KIAA0825: variants seen among roughly 807,000 people sequenced by gnomAD.
KIAA0825 encodes the protein KIAA0825.
In KIAA0825, 119 loss-of-function variants were observed where a neutral mutation model predicts 147.6. The observed-to-expected ratio is 0.81, with a 90% CI of 0.69 to 0.94. The LOEUF (loss-of-function observed/expected upper bound fraction) is 0.94. KIAA0825 is among the 40% of genes least tolerant of loss of function. KIAA0825 has a pLI of 0.00. For missense variants in KIAA0825, 1,381 were observed against 1,472.7 expected (o/e 0.94, Z 1.02); for synonymous variants, 470 against 518.1 (o/e 0.91, Z 1.26).
At chr5:94,563,236 T>C (rs528205323) in intron 2 of KIAA0825, among the ~76,000 whole-genome samples, 60 of 151,486 alleles carry the variant, frequency 4.0e-4, no homozygotes, top group African/African-American at 1.4e-3. Flanking sequence ...TGGGCGCCTG[T>C]AGTCCCAGCT....
chr5:94,598,394 C>A (rs1785695458), intron 1 of KIAA0825, among the ~76,000 whole-genome samples: 1 of 152,032 alleles, frequency 6.6e-6, no homozygotes. Flanking sequence ...TGGGCAATAA[C>A]AAGCATAGGG....
intron 2 of KIAA0825, among the ~76,000 whole-genome samples, chr5:94,555,479 T>G (rs1363810780): frequency 6.6e-6 from 1 of 152,198 alleles, no homozygotes; most frequent in Non-Finnish European, 1.5e-5. Context: ...ATTAATATAC[T>G]ATGACTATTA....
intron 2 of KIAA0825, among the ~76,000 whole-genome samples, chr5:94,578,895 G>A (rs1005432418): frequency 1.3e-5 from 2 of 152,104 alleles, no homozygotes; most frequent in Admixed American, 1.3e-4. Flanking sequence ...AAGGTTCAGA[G>A]TTCAAACTCT....
At chr5:94,545,266 G>A (rs1454426523) in intron 2 of KIAA0825, among the ~76,000 whole-genome samples, 1 of 152,150 alleles carries the variant, frequency 6.6e-6, no homozygotes, top group Non-Finnish European at 1.5e-5. Flanking sequence ...TCATAAACTT[G>A]AAAGGGAGTC....
At chr5:94,321,743 CAGTT>C (rs1780219058) in intron 20 of KIAA0825, among the ~76,000 whole-genome samples, 1 of 151,884 alleles carries the variant, frequency 6.6e-6, no homozygotes, top group Non-Finnish European at 1.5e-5. Context: ...TCATGGTAAA[CAGTT>C]TATTAACACA....
At chr5:94,192,649 C>A (rs1770777782) in intron 20 of KIAA0825, among the ~76,000 whole-genome samples, 1 of 152,068 alleles carries the variant, frequency 6.6e-6, no homozygotes, top group East Asian at 1.9e-4. Flanking sequence ...GCGCCAGTGG[C>A]AGAATGTTTG....
At chr5:94,495,848 CACAATAGAAA>C (rs1296177794) in intron 5 of KIAA0825, among the ~76,000 whole-genome samples, 1 of 152,174 alleles carries the variant, frequency 6.6e-6, no homozygotes, top group Non-Finnish European at 1.5e-5. Context: ...AATTGAAAAA[CACAATAGAAA>C]ATACATGTGA....
chr5:94,163,202 C>T (rs765869369), intron 20 of KIAA0825, among the ~76,000 whole-genome samples: 6 of 152,110 alleles, frequency 3.9e-5, no homozygotes, highest in Admixed American at 6.5e-5. Context: ...TGGTACCTGA[C>T]TAGTATTTTT....
chr5:94,172,207 T>C (rs1768686568), intron 20 of KIAA0825, among the ~76,000 whole-genome samples: 2 of 152,202 alleles, frequency 1.3e-5, no homozygotes, highest in Admixed American at 1.3e-4. Context: ...AGAGTACAGT[T>C]TGTCACTGGT....
At chr5:94,227,470 C>T (rs1349293570) in intron 20 of KIAA0825, among the ~76,000 whole-genome samples, 1 of 151,810 alleles carries the variant, frequency 6.6e-6, no homozygotes, top group East Asian at 1.9e-4. Flanking sequence ...ATGGGTGCAG[C>T]ACACCAGCAT....
intron 12 of KIAA0825, among the ~76,000 whole-genome samples, chr5:94,454,503 A>G (rs1758837755): frequency 6.6e-6 from 1 of 152,074 alleles, no homozygotes; most frequent in South Asian, 2.1e-4. Context: ...TTTTTTTCTC[A>G]CTAAATCTCA....
rs553594009 is a variant in KIAA0825 at position 94,172,689 on chromosome 5, A to AT, written c.3711-18566dup. On this transcript the variant is annotated intron_variant, in intron 20 of 20. Coordinates refer to ENST00000682413, the MANE Select transcript of KIAA0825 (RefSeq NM_001145678.3). ...TTTCTAGAATTTTGTTTGACTCATG[A>AT]TTTTTTTTTTGGCTTTGAACTAACA... Among the ~76,000 whole-genome samples the AT allele has an allele frequency of 4.6e-4, 68 of 149,430 alleles. 1 individual carries two copies. In the East Asian group the frequency reaches 4.9e-3, roughly 11 times the overall value.
chr5:94,210,389 T>A (rs984432526), intron 20 of KIAA0825, among the ~76,000 whole-genome samples: 1 of 152,196 alleles, frequency 6.6e-6, no homozygotes, highest in Non-Finnish European at 1.5e-5. Flanking sequence ...TGCATACCTT[T>A]AAGCTGATAA....
chr5:94,608,441 A>ATGTGTGTGTATATGTGTGTGTGTG (rs1449664800), intron 1 of KIAA0825, among the ~76,000 whole-genome samples: 1,101 of 37,772 alleles, frequency 0.029, 297 homozygotes, highest in Middle Eastern at 0.045. Flanking sequence ...TTGTGTGTGT[A>ATGTGTGTGTATATGTGTGTGTGTG]TGTGTGTGTG....
At chr5:94,394,780 T>C (rs938457378) in intron 17 of KIAA0825, among the ~76,000 whole-genome samples, 15 of 152,122 alleles carry the variant, frequency 9.9e-5, no homozygotes, top group African/African-American at 3.6e-4. Context: ...GCCTGTAAAT[T>C]AGTGTTGAAT....
intron 5 of KIAA0825, among the ~76,000 whole-genome samples, chr5:94,504,143 T>A (rs1056994287): frequency 6.6e-6 from 1 of 152,210 alleles, no homozygotes; most frequent in Non-Finnish European, 1.5e-5. Context: ...CAAGATCGCA[T>A]TTCTCCATGT....
intron 12 of KIAA0825, among the ~76,000 whole-genome samples, chr5:94,457,741 G>T (rs1220901197): frequency 6.6e-6 from 1 of 152,198 alleles, no homozygotes; most frequent in Non-Finnish European, 1.5e-5. Flanking sequence ...AACAACTGAT[G>T]AGCTAAAAAG....
chr5:94,224,717 A>G (rs1774004696), intron 20 of KIAA0825, among the ~76,000 whole-genome samples: 2 of 152,242 alleles, frequency 1.3e-5, no homozygotes, highest in African/African-American at 4.8e-5. Flanking sequence ...AAGGGCTAAC[A>G]GTAAACACAG....
At chr5:94,271,753 A>G (rs1777000888) in intron 20 of KIAA0825, among the ~76,000 whole-genome samples, 1 of 152,190 alleles carries the variant, frequency 6.6e-6, no homozygotes, top group African/African-American at 2.4e-5. Flanking sequence ...CCTCAAAAAC[A>G]AAAACAAACA....
Sources: gnomAD v4.1 joint callset for allele counts (sites outside exome capture counted in the v4.1 genomes callset) on GRCh38, gnomAD v4.1.1 for gene constraint, MANE v1.5 for transcripts, NCBI Gene and HGNC (gene_info 2026-07-23, HGNC 2026-07-21) for gene names.